ZDHHC2: variants seen among roughly 807,000 people sequenced by gnomAD.
The protein encoded by ZDHHC2 is palmitoyltransferase ZDHHC2.
In ZDHHC2, 51 loss-of-function variants were observed where a neutral mutation model predicts 55.6. The observed-to-expected ratio is 0.92, with a 90% confidence interval of 0.73 to 1.16. The LOEUF is 1.16. Ranked by LOEUF, ZDHHC2 falls within the 50% of genes most tolerant of loss-of-function variation. ZDHHC2 has a pLI of 0.00. For synonymous variants in ZDHHC2, 199 were observed against 152.9 expected (o/e 1.30, Z -2.22); for missense variants, 491 against 442.4 (o/e 1.11, Z -0.99).
At chr8:17,209,519 A>G (rs2150943750) in intron 8 of ZDHHC2, among the ~76,000 whole-genome samples, 1 of 152,264 alleles carries the variant, frequency 6.6e-6, no homozygotes, top group East Asian at 1.9e-4. Context: ...TTAAAAACAA[A>G]GGTTGTAGAA....
intron 6 of ZDHHC2, among the ~76,000 whole-genome samples, chr8:17,200,286 G>C (rs1249234037): frequency 2.0e-5 from 3 of 152,214 alleles, no homozygotes; most frequent in African/African-American, 7.2e-5. Flanking sequence ...CAGTCCAGAA[G>C]TGCCAAGGCA....
chr8:17,163,994 A>G (rs1159608279), intron 1 of ZDHHC2, among the ~76,000 whole-genome samples: 1 of 152,172 alleles, frequency 6.6e-6, no homozygotes, highest in Non-Finnish European at 1.5e-5. Flanking sequence ...TTGTTGTTTC[A>G]ATCAAATGGC....
intron 4 of ZDHHC2, among the ~76,000 whole-genome samples, chr8:17,196,438 C>G (rs2150923367): frequency 6.6e-6 from 1 of 152,062 alleles, no homozygotes; most frequent in East Asian, 1.9e-4. Flanking sequence ...GCCTATAATC[C>G]CAGCAACTCG....
At chr8:17,177,894 A>G (rs1805228495) in intron 1 of ZDHHC2, among the ~76,000 whole-genome samples, 1 of 152,166 alleles carries the variant, frequency 6.6e-6, no homozygotes, top group South Asian at 2.1e-4. Context: ...AAGGTAAATT[A>G]TTCCTCCAAA....
intron 10 of ZDHHC2, among the ~76,000 whole-genome samples, chr8:17,213,290 A>G (rs2106015): frequency 5.3e-4 from 79 of 149,336 alleles, no homozygotes; most frequent in Admixed American, 2.5e-3. Flanking sequence ...GTCTCATTCT[A>G]TCACCCCGTC....
Position 17,209,920 on chromosome 8 carries a change from A to T in ZDHHC2, c.731-12A>T. 1 of 1,603,010 alleles carries T rather than the reference A, an allele frequency of 6.2e-7. No homozygotes were observed. Among genetic ancestry groups the T allele is most frequent in the Non-Finnish European group, 8.5e-7 (1 of 1,175,830 alleles). ...TCTTTACTCATGTGATTCCTTTACC[A>T]TCTTTTTTTAGAGGCATTCAGAAGT... On this transcript the variant is annotated splice_polypyrimidine_tract_variant and intron_variant, in intron 8 of 12. Transcript: ENST00000262096.
intron 6 of ZDHHC2, among the ~76,000 whole-genome samples, chr8:17,202,315 G>A (rs1032364127): frequency 2.4e-5 from 3 of 125,012 alleles, no homozygotes; most frequent in African/African-American, 8.2e-5. Context: ...CCACCTCCTG[G>A]GTATTTGTCT....
intron 1 of ZDHHC2, among the ~76,000 whole-genome samples, chr8:17,180,508 C>T (rs2150900974): frequency 6.6e-6 from 1 of 152,200 alleles, no homozygotes; most frequent in African/African-American, 2.4e-5. Flanking sequence ...ATTTGTCTTC[C>T]TTGTTTAGCC....
At chr8:17,189,798 T>G (rs1563154623) in intron 3 of ZDHHC2, among the ~76,000 whole-genome samples, 1 of 152,220 alleles carries the variant, frequency 6.6e-6, no homozygotes, top group Non-Finnish European at 1.5e-5. Flanking sequence ...GGTATCAGGC[T>G]TCATTGTGTG....
intron 6 of ZDHHC2, among the ~76,000 whole-genome samples, chr8:17,200,232 G>A (rs527947270): frequency 5.1e-4 from 77 of 152,316 alleles, no homozygotes; most frequent in African/African-American, 1.8e-3. Flanking sequence ...CTGCCTGAGG[G>A]GGTCTCTTCT....
rs75232103 is a variant in ZDHHC2 at position 17,186,071 on chromosome 8, A to G, written c.158-260A>G. ...AAGGTCCTTGTTAGTGATTTTGCCA[A>G]TAGATGGTCTGTCTACAGATGGGAG... On this transcript the variant is annotated intron_variant, in intron 2 of 12. Coordinates refer to ENST00000262096, the MANE Select transcript of ZDHHC2 (RefSeq NM_016353.5). 6.6e-3 allele frequency among the ~76,000 whole-genome samples: 1,011 copies of G among 152,300 alleles called. 13 individuals are homozygous for G. Among genetic ancestry groups the G allele is most frequent in the African/African-American group, 0.023 (948 of 41,572 alleles).
intron 6 of ZDHHC2, among the ~76,000 whole-genome samples, chr8:17,203,534 A>G (rs1806920416): frequency 6.6e-6 from 1 of 151,970 alleles, no homozygotes; most frequent in Non-Finnish European, 1.5e-5. Context: ...ACGCCCACCC[A>G]TATTGTCCAA....
At chr8:17,193,409 G>A (rs537052160) in intron 3 of ZDHHC2, among the ~76,000 whole-genome samples, 3 of 152,220 alleles carry the variant, frequency 2.0e-5, no homozygotes, top group Non-Finnish European at 4.4e-5. Context: ...TCTCTCTGCT[G>A]AGCTGCCGGG....
intron 4 of ZDHHC2, 50 bp downstream of exon 4, chr8:17,195,674 A>G (rs769642269): frequency 1.2e-6 from 2 of 1,607,202 alleles, no homozygotes. Context: ...TAACATCATT[A>G]AGGTGACTGT....
chr8:17,201,421 T>C (rs1160479864), intron 6 of ZDHHC2, among the ~76,000 whole-genome samples: 1 of 149,738 alleles, frequency 6.7e-6, no homozygotes, highest in Non-Finnish European at 1.5e-5. Context: ...CTAATGGCAG[T>C]CACTTATAGG....
At chr8:17,192,049 T>A in intron 3 of ZDHHC2, among the ~76,000 whole-genome samples, 1 of 152,204 alleles carries the variant, frequency 6.6e-6, no homozygotes, top group East Asian at 1.9e-4. Context: ...AGTGCTGCAA[T>A]CACAGCTCAC....
chr8:17,200,752 A>G (rs1287115219), intron 6 of ZDHHC2, among the ~76,000 whole-genome samples: 2 of 152,256 alleles, frequency 1.3e-5, no homozygotes, highest in Non-Finnish European at 2.9e-5. Flanking sequence ...GAAGGAGAAC[A>G]ACAGAAATGA....
chr8:17,216,188 T>C lies in ZDHHC2; in HGVS notation c.1063+839T>C, dbSNP rs994636334. Among the ~76,000 whole-genome samples, 7 of 152,312 alleles carry C rather than the reference T, an allele frequency of 4.6e-5. No individual in the cohort carries two copies. The East Asian group carries it at 7.7e-4, about 17-fold the overall frequency. ...AACCTTTTCTCCTTCGTTTCTAGTC[T>C]TTTCAAATAAACCAGTCAACGTTTT... On this transcript the variant is annotated intron_variant, in intron 11 of 12. Transcript: ENST00000262096.
chr8:17,174,416 C>G (rs985604280), intron 1 of ZDHHC2, among the ~76,000 whole-genome samples: 8 of 152,174 alleles, frequency 5.3e-5, no homozygotes, highest in African/African-American at 1.9e-4. Flanking sequence ...AACACCTGAT[C>G]TCATAGCCCA....
Sources: allele counts gnomAD v4.1 joint callset (sites outside exome capture counted in the v4.1 genomes callset), GRCh38; gene constraint gnomAD v4.1.1; transcripts MANE v1.5; gene names NCBI Gene and HGNC (gene_info 2026-07-23, HGNC 2026-07-21).